DMRT1: variants seen among roughly 807,000 people sequenced by gnomAD.
DMRT1 encodes the protein doublesex and mab-3 related transcription factor 1.
In DMRT1, 7 loss-of-function variants were observed where a neutral mutation model predicts 32.3. The observed-to-expected ratio is 0.22, with a 90% confidence interval of 0.12 to 0.41. The LOEUF (loss-of-function observed/expected upper bound fraction) is 0.41, where lower values mean the gene tolerates loss of function less well. Ranked by LOEUF, DMRT1 falls within the 10% of genes least tolerant of loss-of-function variation. The pLI is 1.00. For missense variants in DMRT1, 625 were observed against 500.5 expected (o/e 1.25, Z -2.37); for synonymous variants, 278 against 206.1 (o/e 1.35, Z -2.99).
chr9:874,859 G>C (rs918858001), intron 2 of DMRT1, among the ~76,000 whole-genome samples: 1 of 137,058 alleles, frequency 7.3e-6, no homozygotes, highest in African/African-American at 2.8e-5. Flanking sequence ...CCCAGCTGGA[G>C]TGCAGTGGCG....
At chr9:900,800 T>C (rs866029861) in intron 3 of DMRT1, among the ~76,000 whole-genome samples, 1 of 151,734 alleles carries the variant, frequency 6.6e-6, no homozygotes, top group Admixed American at 6.6e-5. Context: ...TCCTCCCATC[T>C]CAGTCTCACG....
intron 2 of DMRT1, among the ~76,000 whole-genome samples, chr9:873,430 T>G (rs2132613958): frequency 6.6e-6 from 1 of 152,056 alleles, no homozygotes; most frequent in Non-Finnish European, 1.5e-5. Context: ...CTCAGACTCC[T>G]GAGTAGCTGG....
At chr9:871,722 C>T (rs1032044132) in intron 2 of DMRT1, among the ~76,000 whole-genome samples, 2 of 151,084 alleles carry the variant, frequency 1.3e-5, no homozygotes, top group Admixed American at 6.6e-5. Context: ...GATTCGCCCG[C>T]CTCGGCCTCC....
intron 3 of DMRT1, among the ~76,000 whole-genome samples, chr9:900,842 G>C (rs569343679): frequency 6.6e-6 from 1 of 151,782 alleles, no homozygotes; most frequent in South Asian, 2.1e-4. Flanking sequence ...GTGCCACCAT[G>C]CCACACCTGG....
At chr9:931,391 A>G (rs1052117633) in intron 4 of DMRT1, among the ~76,000 whole-genome samples, 2 of 152,228 alleles carry the variant, frequency 1.3e-5, no homozygotes, top group African/African-American at 4.8e-5. Context: ...AACCTCTTCT[A>G]TGCAGTGAGA....
intron 4 of DMRT1, among the ~76,000 whole-genome samples, chr9:922,875 C>T (rs773204907): frequency 6.8e-6 from 1 of 146,474 alleles, no homozygotes; most frequent in Non-Finnish European, 1.5e-5. Context: ...AGTTGCAGAG[C>T]ATCTACATTT....
intron 3 of DMRT1, chr9:895,114 C>T (rs1817304879): frequency 6.6e-6 from 1 of 152,158 alleles, no homozygotes; most frequent in Admixed American, 6.5e-5. Flanking sequence ...CGTGTCCGGC[C>T]CCAAGTATGT....
intron 2 of DMRT1, among the ~76,000 whole-genome samples, chr9:854,363 C>T (rs1220909510): frequency 6.6e-6 from 1 of 151,954 alleles, no homozygotes; most frequent in East Asian, 1.9e-4. Flanking sequence ...TGACTCACTG[C>T]AACCTCCACT....
At chr9:937,651 G>C (rs1236131709) in intron 4 of DMRT1, among the ~76,000 whole-genome samples, 1 of 152,136 alleles carries the variant, frequency 6.6e-6, no homozygotes, top group Non-Finnish European at 1.5e-5. Context: ...ATCGTCTTTG[G>C]AGAAATGCCT....
At chr9:851,896 G>A (rs543728354) in intron 2 of DMRT1, among the ~76,000 whole-genome samples, 2 of 151,722 alleles carry the variant, frequency 1.3e-5, no homozygotes, top group South Asian at 2.1e-4. Context: ...TCTGTTTATT[G>A]CTGTTGCTTG....
chr9:939,165 G>A (rs914674420), intron 4 of DMRT1, among the ~76,000 whole-genome samples: 2 of 152,174 alleles, frequency 1.3e-5, no homozygotes, highest in Non-Finnish European at 2.9e-5. Context: ...ACCTAGCCCT[G>A]CTCATCTTCT....
intron 2 of DMRT1, among the ~76,000 whole-genome samples, chr9:860,191 G>T (rs922117953): frequency 1.3e-5 from 2 of 152,130 alleles, no homozygotes; most frequent in Non-Finnish European, 2.9e-5. Flanking sequence ...TAGCTACTTG[G>T]GAGGCTGGGG....
At position 867,301 on chromosome 9, in the gene DMRT1, A is replaced by C. The variant is rs565295141; in HGVS notation, c.538+20158A>C. On this transcript the variant is annotated intron_variant, in intron 2 of 4. Transcript: ENST00000382276. Reference sequence around the variant, plus strand: ...TAGGAGGAAGAAGTGACGTTTGTCAAACTGAAGATCCACACACGACTATGA... The same window carrying C: ...TAGGAGGAAGAAGTGACGTTTGTCACACTGAAGATCCACACACGACTATGA... 7.2e-5 allele frequency among the ~76,000 whole-genome samples: 11 copies of C among 152,066 alleles called. No individual in the cohort carries two copies. In the East Asian group the frequency reaches 1.4e-3, roughly 19 times the overall value.
At chr9:879,396 C>A (rs942348791) in intron 2 of DMRT1, among the ~76,000 whole-genome samples, 1 of 151,784 alleles carries the variant, frequency 6.6e-6, no homozygotes, top group South Asian at 2.1e-4. Context: ...TAAAAAAAAA[C>A]AAGAGAGTGG....
At chr9:926,056 G>T (rs1300771782) in intron 4 of DMRT1, among the ~76,000 whole-genome samples, 4 of 152,214 alleles carry the variant, frequency 2.6e-5, no homozygotes, top group African/African-American at 9.7e-5. Context: ...CTGTCTTACA[G>T]GTAGCACATG....
rs144137283 is a variant in DMRT1, at chr9:926,751, A to G, written c.967+9844A>G. On this transcript the variant is annotated intron_variant, in intron 4 of 4. Coordinates refer to ENST00000382276, the MANE Select transcript of DMRT1 (RefSeq NM_021951.3). ...GAAACCACAGTTTAGGAATGCCTAA[A>G]TGCTCTGACATAGCCAGGTTGAACA... Among the ~76,000 whole-genome samples, 42 of 152,190 alleles carry G rather than the reference A, an allele frequency of 2.8e-4. 1 individual carries two copies. The East Asian group carries it at 7.7e-3, about 28-fold the overall frequency.
intron 4 of DMRT1, among the ~76,000 whole-genome samples, chr9:952,181 T>G (rs977143824): frequency 4.6e-5 from 7 of 152,108 alleles, no homozygotes; most frequent in African/African-American, 1.7e-4. Context: ...CACAGCCATA[T>G]CCCCTGTATC....
At chr9:854,729 T>A (rs1815314377) in intron 2 of DMRT1, among the ~76,000 whole-genome samples, 1 of 149,990 alleles carries the variant, frequency 6.7e-6, no homozygotes, top group African/African-American at 2.5e-5. Flanking sequence ...AATTTTACTT[T>A]CAAATTAAAC....
intron 4 of DMRT1, among the ~76,000 whole-genome samples, chr9:924,781 C>T (rs994401906): frequency 5.3e-5 from 8 of 152,198 alleles, no homozygotes; most frequent in African/African-American, 1.9e-4. Flanking sequence ...CACACCAGTG[C>T]TTTTCAGGGA....
Sources: allele counts gnomAD v4.1 joint callset (sites outside exome capture counted in the v4.1 genomes callset), GRCh38; gene constraint gnomAD v4.1.1; transcripts MANE v1.5; gene names NCBI Gene and HGNC (gene_info 2026-07-23, HGNC 2026-07-21).